The following SCAPER variants were observed in gnomAD, a reference collection of about 807,000 sequenced individuals.
SCAPER encodes S phase cyclin A-associated protein in the endoplasmic reticulum.
A neutral mutation model predicts 182.2 loss-of-function variants in SCAPER; 98 were observed. The observed-to-expected ratio is 0.54, with a 90% CI of 0.46 to 0.64. The LOEUF (loss-of-function observed/expected upper bound fraction) is 0.64. Ranked by LOEUF, SCAPER falls within the 30% of genes least tolerant of loss-of-function variation. SCAPER has a pLI of 0.00. For missense variants in SCAPER, 1,432 were observed against 1,690.0 expected (o/e 0.85, Z 2.68); for synonymous variants, 605 against 564.6 (o/e 1.07, Z -1.01).
chr15:76,484,367 A>G (rs1818161158), intron 24 of SCAPER, among the ~76,000 whole-genome samples: 1 of 152,324 alleles, frequency 6.6e-6, no homozygotes, highest in Admixed American at 6.5e-5. Context: ...GAACACATCT[A>G]TTTACATAAA....
chr15:76,728,557 T>G, intron 17 of SCAPER, 38 bp downstream of exon 17: 1 of 1,610,710 alleles, frequency 6.2e-7, no homozygotes, highest in African/African-American at 1.3e-5. Context: ...GAATATTCAC[T>G]CAGTGCAAAA....
intron 23 of SCAPER, among the ~76,000 whole-genome samples, chr15:76,530,227 A>G (rs1386471457): frequency 6.6e-6 from 1 of 152,222 alleles, no homozygotes; most frequent in Non-Finnish European, 1.5e-5. Flanking sequence ...ATCCCTCCAA[A>G]GTATTAATAA....
At chr15:76,780,686 G>C (rs899250828) in intron 8 of SCAPER, among the ~76,000 whole-genome samples, 1 of 152,114 alleles carries the variant, frequency 6.6e-6, no homozygotes, top group Non-Finnish European at 1.5e-5. Flanking sequence ...CCAGAGGAAG[G>C]ATCAGGCAGC....
At chr15:76,727,989 A>ATT (rs1420077964) in intron 17 of SCAPER, among the ~76,000 whole-genome samples, 1 of 152,140 alleles carries the variant, frequency 6.6e-6, no homozygotes, top group African/African-American at 2.4e-5. Flanking sequence ...AGAAAAGCAA[A>ATT]TTAAAACCAC....
chr15:76,883,689 C>T (rs1202206675), intron 2 of SCAPER, 123 bp downstream of exon 2: 10 of 828,980 alleles, frequency 1.2e-5, no homozygotes, highest in Admixed American at 1.1e-4. Flanking sequence ...TATCACTGTG[C>T]TTTATGACAA....
chr15:76,393,733 A>G (rs905814300), intron 27 of SCAPER, among the ~76,000 whole-genome samples: 2 of 152,178 alleles, frequency 1.3e-5, no homozygotes, highest in African/African-American at 4.8e-5. Context: ...ATGCTGTGTG[A>G]TTTCTGAGGC....
Position 76,753,818 on chromosome 15 carries a change from T to A in SCAPER, c.1856A>T (p.Glu619Val), listed in dbSNP as rs1173908323. The stretch of plus-strand genomic sequence containing the variant: ...GCTCTTATGATATACCTTAGCTTCT[T>A]CTTCTTGTGCTTTTTTCACAATTGC... ...LQAIVKKAQE[E>V]EAKVNEIAFI... The change falls in exon 15 of 32, where the codon GAA becomes GTA. Residue 619 changes from glutamate to valine, a missense_variant. By Grantham distance (121) the Glu-to-Val change is moderately radical (BLOSUM62 -2). Transcript: ENST00000563290. 6.2e-7 allele frequency: 1 copy of A among 1,612,570 alleles called. No individual in the cohort carries two copies. The highest frequency in any genetic ancestry group is 8.5e-7 in the Non-Finnish European group (1 of 1,179,070).
At chr15:76,838,399 C>A (rs1354309067) in intron 5 of SCAPER, among the ~76,000 whole-genome samples, 1 of 152,138 alleles carries the variant, frequency 6.6e-6, no homozygotes. Context: ...GGCCCAACTC[C>A]ATCAGAGTTT....
intron 23 of SCAPER, among the ~76,000 whole-genome samples, chr15:76,525,799 G>A (rs1470740928): frequency 6.6e-6 from 1 of 152,130 alleles, no homozygotes; most frequent in Non-Finnish European, 1.5e-5. Flanking sequence ...TTACTATTGT[G>A]AATAGCACAG....
At chr15:76,468,374 A>G (rs367936301) in intron 25 of SCAPER, among the ~76,000 whole-genome samples, 1 of 152,196 alleles carries the variant, frequency 6.6e-6, no homozygotes, top group Non-Finnish European at 1.5e-5. Flanking sequence ...CCAGTTCCAA[A>G]CTAAGCAAAA....
chr15:76,404,116 C>T (rs2044656166), intron 27 of SCAPER, among the ~76,000 whole-genome samples: 1 of 152,182 alleles, frequency 6.6e-6, no homozygotes, highest in African/African-American at 2.4e-5. Flanking sequence ...CAGCCTATAA[C>T]TGAAAGCACA....
At chr15:76,410,020 T>C (rs530512060) in intron 26 of SCAPER, among the ~76,000 whole-genome samples, 4 of 151,730 alleles carry the variant, frequency 2.6e-5, no homozygotes, top group African/African-American at 9.7e-5. Flanking sequence ...TGTGAACTCC[T>C]GGACTCAAGC....
chr15:76,820,307 C>T (rs368191795), intron 5 of SCAPER, among the ~76,000 whole-genome samples: 3 of 152,064 alleles, frequency 2.0e-5, no homozygotes, highest in Non-Finnish European at 4.4e-5. Context: ...TATTGCGGCA[C>T]TATTCACAAT....
At chr15:76,841,115 T>G (rs1196591310) in intron 5 of SCAPER, among the ~76,000 whole-genome samples, 1 of 152,202 alleles carries the variant, frequency 6.6e-6, no homozygotes, top group Non-Finnish European at 1.5e-5. Context: ...AATAATGTTG[T>G]GTGTGTATCC....
chr15:76,868,483 T>A (rs1193831520), intron 2 of SCAPER, among the ~76,000 whole-genome samples: 1 of 151,354 alleles, frequency 6.6e-6, no homozygotes, highest in African/African-American at 2.4e-5. Context: ...AAAATCAACA[T>A]ACAAAAACCA....
intron 25 of SCAPER, among the ~76,000 whole-genome samples, chr15:76,439,305 C>A (rs2047404572): frequency 6.6e-6 from 1 of 152,154 alleles, no homozygotes; most frequent in African/African-American, 2.4e-5. Context: ...TCTCAAACTC[C>A]TGGCCTCAAG....
intron 21 of SCAPER, among the ~76,000 whole-genome samples, chr15:76,661,538 CA>C (rs2056168048): frequency 6.6e-6 from 1 of 151,988 alleles, no homozygotes. Flanking sequence ...AGACACTTCT[CA>C]AAAGAAGATA....
intron 23 of SCAPER, among the ~76,000 whole-genome samples, chr15:76,553,902 G>A (rs567595795): frequency 6.6e-6 from 1 of 152,228 alleles, no homozygotes; most frequent in African/African-American, 2.4e-5. Context: ...CAAGAATTCT[G>A]GCAACTCAAA....
At chr15:76,868,244 A>G (rs1016225278) in intron 2 of SCAPER, among the ~76,000 whole-genome samples, 6 of 152,120 alleles carry the variant, frequency 3.9e-5, no homozygotes, top group African/African-American at 1.4e-4. Context: ...AAAGATAAAG[A>G]CAGCCAGGTG....
Sources: allele counts gnomAD v4.1 joint callset (sites outside exome capture counted in the v4.1 genomes callset), GRCh38; gene constraint gnomAD v4.1.1; transcripts MANE v1.5; gene names NCBI Gene and HGNC (gene_info 2026-07-23, HGNC 2026-07-21).